The following PHLDB2 variants were observed in gnomAD, a reference collection of about 807,000 sequenced individuals.
The protein encoded by PHLDB2 is pleckstrin homology-like domain family B member 2.
PHLDB2 carries 71 observed loss-of-function variants against 123.6 expected under a neutral mutation model. The observed-to-expected ratio is 0.57, with a 90% confidence interval of 0.47 to 0.70. The LOEUF (loss-of-function observed/expected upper bound fraction) is 0.70. PHLDB2 is among the 30% of genes least tolerant of loss of function. The pLI, the probability that PHLDB2 is intolerant of heterozygous loss-of-function variation, is 0.00. For synonymous variants in PHLDB2, 547 were observed against 541.6 expected, an observed-to-expected ratio of 1.01 and a Z score of -0.14; for missense variants, 1,446 against 1,519.5, an observed-to-expected ratio of 0.95 and a Z score of 0.80.
chr3:111,815,142 C>T (rs1457026915), intron 1 of PHLDB2, among the ~76,000 whole-genome samples: 5 of 152,266 alleles, frequency 3.3e-5, no homozygotes, highest in Admixed American at 6.5e-5. Flanking sequence ...TGTGAGGCCT[C>T]CCCATCCATG....
rs551667181 is a variant in PHLDB2, at chr3:111,911,329, C to T, written c.1336-1990C>T. 2.6e-5 allele frequency among the ~76,000 whole-genome samples: 4 copies of T among 152,272 alleles called. No individual in the cohort carries two copies. In the East Asian group the frequency reaches 7.7e-4, roughly 29 times the overall value. On this transcript the variant is annotated intron_variant, in intron 2 of 17. Coordinates refer to ENST00000431670, the MANE Select transcript of PHLDB2 (RefSeq NM_001134438.2). Reference sequence around the variant, plus strand: ...AGTTTAGATGCTTCAACTTAATTACCTAAGTGGCAGAAAAAGAACTTTCCT... The same window carrying T: ...AGTTTAGATGCTTCAACTTAATTACTTAAGTGGCAGAAAAAGAACTTTCCT...
upstream of PHLDB2, chr3:111,859,176 C>A: frequency 1.0e-6 from 1 of 985,082 alleles, no homozygotes; most frequent in African/African-American, 1.7e-5. Context: ...ATAGATACTT[C>A]GCTGTCTGGT....
At chr3:111,802,624 G>T (rs1213891903) in intron 1 of PHLDB2, among the ~76,000 whole-genome samples, 6 of 152,194 alleles carry the variant, frequency 3.9e-5, no homozygotes, top group African/African-American at 1.4e-4. Flanking sequence ...TTAGCAAATA[G>T]TAAAATAACA....
intron 1 of PHLDB2, among the ~76,000 whole-genome samples, chr3:111,808,665 G>T (rs1209196932): frequency 6.6e-6 from 1 of 152,246 alleles, no homozygotes; most frequent in East Asian, 1.9e-4. Flanking sequence ...ATGAGTCACA[G>T]CTTCAAGAAG....
Position 111,884,094 on chromosome 3 carries a change from A to G in PHLDB2, c.17A>G (p.Tyr6Cys), listed in dbSNP as rs1319462170. 6.8e-6 allele frequency: 11 copies of G among 1,613,558 alleles called. No homozygotes were observed. The highest frequency in any genetic ancestry group is 1.1e-5 in the South Asian group (1 of 90,916). The change falls in exon 2 of 18, where the codon TAC (tyrosine) becomes TGC (cysteine). Residue 6 changes from tyrosine to cysteine, a missense_variant. Tyr to Cys is a radical substitution (Grantham distance 194). Coordinates refer to ENST00000431670, the MANE Select transcript of PHLDB2 (RefSeq NM_001134438.2). ...AGCAAGATTATGGAAGAGCATAGCTACATACAAAAGGAGCTAGATTTACAA... is the reference window on the plus strand; with the variant it reads ...AGCAAGATTATGGAAGAGCATAGCTGCATACAAAAGGAGCTAGATTTACAA... MEEHSYIQKELDLQNG... is the reference protein window; with the variant it reads MEEHSCIQKELDLQNG...
intron 1 of PHLDB2, among the ~76,000 whole-genome samples, chr3:111,764,140 G>A (rs970528227): frequency 5.9e-5 from 9 of 152,104 alleles, no homozygotes; most frequent in South Asian, 2.1e-4. Flanking sequence ...CCACTTTCCC[G>A]TTTATAAAAT....
chr3:111,796,254 TA>T (rs1284431713), intron 1 of PHLDB2, among the ~76,000 whole-genome samples: 2 of 152,170 alleles, frequency 1.3e-5, no homozygotes, highest in African/African-American at 4.8e-5. Flanking sequence ...TCATTTTTAC[TA>T]GATGTAGTGA....
chr3:111,959,124 CT>C (rs1345148103), intron 12 of PHLDB2, among the ~76,000 whole-genome samples: 1 of 152,282 alleles, frequency 6.6e-6, no homozygotes, highest in African/African-American at 2.4e-5. Flanking sequence ...GCCCCGTCCC[CT>C]GATCTTCTAT....
At chr3:111,964,973 C>T (rs1451451739) in intron 13 of PHLDB2, among the ~76,000 whole-genome samples, 2 of 152,084 alleles carry the variant, frequency 1.3e-5, no homozygotes, top group Non-Finnish European at 2.9e-5. Flanking sequence ...TCACAAACTA[C>T]ACTATAGAAT....
chr3:111,768,483 A>G (rs2060120022), intron 1 of PHLDB2, among the ~76,000 whole-genome samples: 1 of 152,174 alleles, frequency 6.6e-6, no homozygotes, highest in Non-Finnish European at 1.5e-5. Flanking sequence ...TATGGCCTGC[A>G]GAGGAGCTCT....
At chr3:111,971,354 T>G (rs2072167238) in intron 16 of PHLDB2, among the ~76,000 whole-genome samples, 1 of 152,188 alleles carries the variant, frequency 6.6e-6, no homozygotes, top group Admixed American at 6.5e-5. Context: ...TTTCATGACC[T>G]GGCCAACTGC....
At chr3:111,861,633 C>G (rs527984466) in intron 1 of PHLDB2, among the ~76,000 whole-genome samples, 2 of 152,112 alleles carry the variant, frequency 1.3e-5, no homozygotes, top group Non-Finnish European at 2.9e-5. Flanking sequence ...CCACGAGTGT[C>G]GCCTGGATCC....
chr3:111,772,360 C>A (rs1260251713), intron 1 of PHLDB2, among the ~76,000 whole-genome samples: 1 of 151,842 alleles, frequency 6.6e-6, no homozygotes, highest in African/African-American at 2.4e-5. Flanking sequence ...ACTATATTAA[C>A]AGAAAGATTT....
chr3:111,806,555 G>GC (rs1222227839), intron 1 of PHLDB2, among the ~76,000 whole-genome samples: 1 of 151,038 alleles, frequency 6.6e-6, no homozygotes, highest in Non-Finnish European at 1.5e-5. Flanking sequence ...CTCAATCTTG[G>GC]CTCACTGCAA....
chr3:111,844,380 A>C (rs2063842431), intron 1 of PHLDB2, among the ~76,000 whole-genome samples: 1 of 152,084 alleles, frequency 6.6e-6, no homozygotes, highest in Non-Finnish European at 1.5e-5. Flanking sequence ...TCCTCACCCC[A>C]CATCTGTTCT....
chr3:111,828,710 G>A (rs2062787711), intron 1 of PHLDB2, among the ~76,000 whole-genome samples: 1 of 152,138 alleles, frequency 6.6e-6, no homozygotes, highest in African/African-American at 2.4e-5. Context: ...GAGCCTGGAG[G>A]CAGAGGATGC....
intron 1 of PHLDB2, among the ~76,000 whole-genome samples, chr3:111,796,366 C>T (rs2061162032): frequency 6.6e-6 from 1 of 152,196 alleles, no homozygotes; most frequent in Admixed American, 6.5e-5. Context: ...AAAATCTCTC[C>T]ACTTTTCTCC....
chr3:111,846,591 T>C (rs545131222), intron 2 of PHLDB2: 40 of 152,372 alleles, frequency 2.6e-4, no homozygotes, highest in Admixed American at 2.2e-3. Context: ...AAAGTCTTCT[T>C]GTATTAAGGG....
chr3:111,971,445 A>T (rs564090747), intron 16 of PHLDB2, among the ~76,000 whole-genome samples: 8 of 127,490 alleles, frequency 6.3e-5, no homozygotes, highest in East Asian at 2.9e-4. Context: ...TTTCAATTTT[A>T]AAAAAATACC....
Sources: gnomAD v4.1 joint callset for allele counts (sites outside exome capture counted in the v4.1 genomes callset) on GRCh38, gnomAD v4.1.1 for gene constraint, MANE v1.5 for transcripts, NCBI Gene and HGNC (gene_info 2026-07-23, HGNC 2026-07-21) for gene names.